Variants in ARMC2 observed in about 807,000 individuals in gnomAD.
The protein encoded by ARMC2 is armadillo repeat-containing protein 2.
ARMC2 carries 67 observed loss-of-function variants against 90.3 expected under a neutral mutation model. The observed-to-expected ratio is 0.74, with a 90% CI of 0.61 to 0.91. The LOEUF is 0.91. Among genes scored for constraint, ARMC2 ranks in the 40% least tolerant of loss-of-function variants. ARMC2 has a pLI of 0.00. For synonymous variants in ARMC2, 393 were observed against 393.0 expected (o/e 1.00, Z 0.00); for missense variants, 920 against 1,030.9 (o/e 0.89, Z 1.47).
chr6:108,923,616 C>G (rs576898072), intron 10 of ARMC2, among the ~76,000 whole-genome samples: 174 of 117,022 alleles, frequency 1.5e-3, no homozygotes, highest in African/African-American at 4.8e-3. Flanking sequence ...CCTCCCCACA[C>G]CCTTTTTTTT....
intron 13 of ARMC2, among the ~76,000 whole-genome samples, chr6:108,957,680 C>A (rs1300740937): frequency 1.3e-5 from 2 of 152,180 alleles, no homozygotes; most frequent in Non-Finnish European, 2.9e-5. Flanking sequence ...ACTTGTACCC[C>A]AGGACTTGCC....
At chr6:108,898,192 T>C (rs1406562603) in intron 6 of ARMC2, among the ~76,000 whole-genome samples, 2 of 152,206 alleles carry the variant, frequency 1.3e-5, no homozygotes, top group Non-Finnish European at 2.9e-5. Flanking sequence ...GCTCAACTTG[T>C]CCTTTGTGCA....
chr6:108,961,984 T>G, intron 14 of ARMC2, 30 bp from the exon 15 acceptor site: 1 of 1,462,570 alleles, frequency 6.8e-7, no homozygotes, highest in Non-Finnish European at 9.4e-7. Context: ...TTAAATTCAC[T>G]GATTTAATTT....
chr6:108,890,208 A>C (rs1302597974), intron 5 of ARMC2, among the ~76,000 whole-genome samples: 7 of 133,226 alleles, frequency 5.3e-5, no homozygotes, highest in South Asian at 4.9e-4. Context: ...AAAAAAAAAA[A>C]AAAAAAAAAA....
chr6:108,881,188 T>G (rs1020132114), intron 5 of ARMC2, among the ~76,000 whole-genome samples: 1 of 151,278 alleles, frequency 6.6e-6, no homozygotes, highest in Non-Finnish European at 1.5e-5. Context: ...TTTTCTTTCT[T>G]TCTTTCTTTG....
chr6:108,885,925 T>C (rs1778052347), intron 5 of ARMC2, among the ~76,000 whole-genome samples: 2 of 152,204 alleles, frequency 1.3e-5, no homozygotes, highest in South Asian at 2.1e-4. Flanking sequence ...GCCACACTCA[T>C]CTTTTACCTA....
At chr6:108,909,916 A>G (rs1002759361) in intron 8 of ARMC2, among the ~76,000 whole-genome samples, 1 of 152,204 alleles carries the variant, frequency 6.6e-6, no homozygotes, top group Non-Finnish European at 1.5e-5. Context: ...AAATATATGT[A>G]TATTATCAAA....
intron 12 of ARMC2, among the ~76,000 whole-genome samples, chr6:108,947,575 G>A (rs1396552930): frequency 6.6e-6 from 1 of 152,180 alleles, no homozygotes; most frequent in Non-Finnish European, 1.5e-5. Context: ...TCCAGTTAAA[G>A]TAATTTCATT....
intron 4 of ARMC2, among the ~76,000 whole-genome samples, chr6:108,870,715 G>A (rs1776319049): frequency 6.6e-6 from 1 of 152,126 alleles, no homozygotes; most frequent in Non-Finnish European, 1.5e-5. Flanking sequence ...CCATGACCAA[G>A]TAGATCATCA....
intron 13 of ARMC2, among the ~76,000 whole-genome samples, chr6:108,956,762 T>C (rs1356898785): frequency 1.3e-5 from 2 of 151,944 alleles, no homozygotes; most frequent in Admixed American, 6.6e-5. Flanking sequence ...GAGGCTGAGG[T>C]GGGCAGATCA....
At chr6:108,961,009 A>G (rs1777962221) in intron 13 of ARMC2, among the ~76,000 whole-genome samples, 1 of 152,156 alleles carries the variant, frequency 6.6e-6, no homozygotes, top group Non-Finnish European at 1.5e-5. Flanking sequence ...TTAAAGGATA[A>G]CTGTGTTGAG....
chr6:108,949,828 C>G (rs867597087), intron 12 of ARMC2, among the ~76,000 whole-genome samples: 5 of 152,184 alleles, frequency 3.3e-5, no homozygotes, highest in South Asian at 2.1e-4. Flanking sequence ...CTTTAGGGAA[C>G]AGTCAGGTAA....
At chr6:108,876,654 C>T (rs111267623) in intron 5 of ARMC2, among the ~76,000 whole-genome samples, 14 of 152,212 alleles carry the variant, frequency 9.2e-5, no homozygotes, top group African/African-American at 3.1e-4. Context: ...CTGATCATTC[C>T]GTTTGTATGT....
At chr6:108,997,391 T>C in the ARMC2 span, among the ~76,000 whole-genome samples, 1 of 152,168 alleles carries the variant, frequency 6.6e-6, no homozygotes, top group East Asian at 1.9e-4. Flanking sequence ...TGAAAAATAA[T>C]CAGTGGCCAT....
intron 7 of ARMC2, among the ~76,000 whole-genome samples, chr6:108,901,930 G>C (rs1772205152): frequency 6.6e-6 from 1 of 152,184 alleles, no homozygotes; most frequent in Admixed American, 6.5e-5. Flanking sequence ...CCGCAAATTG[G>C]GTTTGTCTGA....
At chr6:108,999,813 A>G in the ARMC2 span, 2 of 152,176 alleles carry the variant, frequency 1.3e-5, no homozygotes, top group Non-Finnish European at 2.9e-5. Context: ...ACAAAAAACA[A>G]GAAACAAAAA....
chr6:108,970,940 T>A (rs1778720562), intron 17 of ARMC2, among the ~76,000 whole-genome samples: 1 of 152,052 alleles, frequency 6.6e-6, no homozygotes, highest in African/African-American at 2.4e-5. Context: ...GTGAAATCAC[T>A]GGCTGGGCGC....
chr6:108,858,051 T>C (rs1774829676), intron 2 of ARMC2, 148 bp from the exon 3 acceptor site: 1 of 504,868 alleles, frequency 2.0e-6, no homozygotes, highest in Non-Finnish European at 3.5e-6. Context: ...TCAACTGTTT[T>C]AAGTACAATA....
the ARMC2 span, chr6:108,998,549 C>T: frequency 6.2e-7 from 1 of 1,613,872 alleles, no homozygotes; most frequent in Non-Finnish European, 8.5e-7. Flanking sequence ...GCATCTCATC[C>T]ACACTGTGAT....
Sources: gnomAD v4.1 joint callset for allele counts (sites outside exome capture counted in the v4.1 genomes callset) on GRCh38, gnomAD v4.1.1 for gene constraint, MANE v1.5 for transcripts, NCBI Gene and HGNC (gene_info 2026-07-23, HGNC 2026-07-21) for gene names.